Variants in RNF180 observed in about 807,000 individuals in gnomAD.
The protein encoded by RNF180 is ring finger protein 180, also known as E3 ubiquitin-protein ligase RNF180.
In RNF180, 38 loss-of-function variants were observed where a neutral mutation model predicts 59.2. That is an observed-to-expected ratio of 0.64 (90% CI 0.50 to 0.84). The LOEUF is 0.84. RNF180 is among the 40% of genes least tolerant of loss of function. The pLI is 0.00. For synonymous variants in RNF180, 262 were observed against 240.3 expected (o/e 1.09, Z -0.84); for missense variants, 705 against 700.9 (o/e 1.01, Z -0.07).
intron 5 of RNF180, among the ~76,000 whole-genome samples, chr5:64,291,369 C>T (rs1292861231): frequency 1.4e-5 from 2 of 146,984 alleles, no homozygotes; most frequent in Non-Finnish European, 3.0e-5. Context: ...GAATGTTGGC[C>T]TTCTTGTTAG....
Position 64,214,434 on chromosome 5 carries a change from CAG to C in RNF180, c.1111_1112del (p.Arg371AlafsTer2). Reference protein sequence around the residue: ...SANFSLGSINQRLNKRERSKL... With the variant: ...SANFSLGSINXRLNKRERSKL... ...CAATTTTTCATTGGGCAGCATTAAT[CAG>C]AGGCTTAATAAGAGAGAAAGGAGCA... On this transcript the variant is annotated frameshift_variant, in exon 4 of 8. Transcript: ENST00000389100. LOFTEE classifies it high-confidence loss of function. The C allele has an allele frequency of 6.2e-7, 1 of 1,613,956 alleles. No individual in the cohort carries two copies. Among genetic ancestry groups the C allele is most frequent in the Non-Finnish European group, 8.5e-7 (1 of 1,179,952 alleles).
intron 7 of RNF180, among the ~76,000 whole-genome samples, chr5:64,330,925 C>T (rs1358454168): frequency 6.6e-6 from 1 of 152,236 alleles, no homozygotes; most frequent in African/African-American, 2.4e-5. Flanking sequence ...CATCCTTGTA[C>T]TCTTGGGGAC....
At chr5:64,367,798 A>C (rs568737259) in intron 7 of RNF180, among the ~76,000 whole-genome samples, 8 of 151,790 alleles carry the variant, frequency 5.3e-5, no homozygotes, top group Admixed American at 4.0e-4. Context: ...AGTGAGTACC[A>C]GAATTACATT....
At chr5:64,253,928 A>T (rs1743752694) in intron 5 of RNF180, among the ~76,000 whole-genome samples, 1 of 152,150 alleles carries the variant, frequency 6.6e-6, no homozygotes, top group Non-Finnish European at 1.5e-5. Flanking sequence ...TTTAATAAAT[A>T]CTAGCTATTT....
intron 5 of RNF180, among the ~76,000 whole-genome samples, chr5:64,246,189 A>G (rs1178900938): frequency 6.6e-6 from 1 of 152,164 alleles, no homozygotes; most frequent in East Asian, 1.9e-4. Flanking sequence ...TCGACACCCT[A>G]ACATCACAAT....
intron 1 of RNF180, among the ~76,000 whole-genome samples, chr5:64,198,101 A>G (rs1751546912): frequency 6.6e-6 from 1 of 152,246 alleles, no homozygotes; most frequent in South Asian, 2.1e-4. Flanking sequence ...AGTTCAAAGA[A>G]ACAGGTTAAA....
intron 7 of RNF180, among the ~76,000 whole-genome samples, chr5:64,348,935 CATG>C (rs1466456671): frequency 6.6e-6 from 1 of 152,056 alleles, no homozygotes; most frequent in Non-Finnish European, 1.5e-5. Context: ...TTGTCTGAGA[CATG>C]ATCTAACAAG....
intron 7 of RNF180, among the ~76,000 whole-genome samples, chr5:64,355,885 A>G (rs1055425707): frequency 3.9e-5 from 6 of 151,910 alleles, no homozygotes; most frequent in East Asian, 1.9e-4. Flanking sequence ...AAGTTGATCA[A>G]TGACCTAAAT....
intron 5 of RNF180, among the ~76,000 whole-genome samples, chr5:64,317,092 C>A (rs913985042): frequency 6.6e-6 from 1 of 152,120 alleles, no homozygotes; most frequent in African/African-American, 2.4e-5. Context: ...TGAAAAAAAT[C>A]CACATATAAG....
chr5:64,261,741 G>C (rs1477729833), intron 5 of RNF180, among the ~76,000 whole-genome samples: 3 of 152,240 alleles, frequency 2.0e-5, no homozygotes, highest in South Asian at 4.1e-4. Flanking sequence ...CAGGTGGAAA[G>C]AAACAAAGCT....
At chr5:64,281,191 T>G (rs1741990978) in intron 5 of RNF180, among the ~76,000 whole-genome samples, 1 of 152,208 alleles carries the variant, frequency 6.6e-6, no homozygotes, top group Admixed American at 6.5e-5. Context: ...TTATCAGATC[T>G]AGGAGCTTTT....
At chr5:64,254,455 G>A (rs1236313204) in intron 5 of RNF180, among the ~76,000 whole-genome samples, 2 of 151,988 alleles carry the variant, frequency 1.3e-5, no homozygotes, top group East Asian at 1.9e-4. Context: ...TTATGCCTTG[G>A]GGAGATCAGG....
intron 5 of RNF180, among the ~76,000 whole-genome samples, chr5:64,227,098 C>T (rs752065037): frequency 4.3e-4 from 66 of 152,184 alleles, no homozygotes; most frequent in Admixed American, 1.6e-3. Flanking sequence ...ACGGCTCCCT[C>T]GCTGGGAGGC....
chr5:64,181,793 A>G (rs1417958588), intron 1 of RNF180, among the ~76,000 whole-genome samples: 2 of 152,178 alleles, frequency 1.3e-5, no homozygotes, highest in African/African-American at 4.8e-5. Flanking sequence ...TATTGAAAAT[A>G]ATTGTAATAA....
At chr5:64,302,246 A>G (rs1743196051) in intron 5 of RNF180, among the ~76,000 whole-genome samples, 1 of 151,626 alleles carries the variant, frequency 6.6e-6, no homozygotes, top group Non-Finnish European at 1.5e-5. Context: ...TTGGAAGCAC[A>G]CAAAAGTCGC....
chr5:64,261,705 C>A (rs1744351035), intron 5 of RNF180, among the ~76,000 whole-genome samples: 1 of 152,084 alleles, frequency 6.6e-6, no homozygotes, highest in Middle Eastern at 3.2e-3. Flanking sequence ...GTAGGGATTT[C>A]TTTTGAGTCT....
Position 64,361,589 on chromosome 5 carries a change from C to T in RNF180, c.1580-8026C>T, listed in dbSNP as rs191944839. Among the ~76,000 whole-genome samples, 1,312 of 151,312 alleles carry T rather than the reference C, an allele frequency of 8.7e-3. 12 individuals are homozygous for T. Among genetic ancestry groups the T allele is most frequent in the Non-Finnish European group, 0.014 (916 of 67,600 alleles). ...GCAAAAAAGTGTTTGAAGTATGTGTCCTTATTATGTCTCTTACTTTAAAAT... is the reference window on the plus strand; with the variant it reads ...GCAAAAAAGTGTTTGAAGTATGTGTTCTTATTATGTCTCTTACTTTAAAAT... On this transcript the variant is annotated intron_variant, in intron 7 of 7. Coordinates refer to ENST00000389100, the MANE Select transcript of RNF180 (RefSeq NM_001113561.2).
chr5:64,219,279 A>G (rs1016928552), intron 5 of RNF180, among the ~76,000 whole-genome samples: 1 of 152,020 alleles, frequency 6.6e-6, no homozygotes, highest in Non-Finnish European at 1.5e-5. Flanking sequence ...AAATATTGAG[A>G]TAGTCTTGCA....
chr5:64,269,907 G>A (rs547117193), intron 5 of RNF180, among the ~76,000 whole-genome samples: 2 of 152,116 alleles, frequency 1.3e-5, no homozygotes, highest in South Asian at 4.2e-4. Flanking sequence ...CTCACTACAG[G>A]AAATGCTACA....
Sources: allele counts gnomAD v4.1 joint callset (sites outside exome capture counted in the v4.1 genomes callset), GRCh38; gene constraint gnomAD v4.1.1; transcripts MANE v1.5; gene names NCBI Gene and HGNC (gene_info 2026-07-23, HGNC 2026-07-21).